SERPINB5: variants seen among roughly 807,000 people sequenced by gnomAD.
SERPINB5 encodes the protein serpin B5.
Under a neutral mutation model 32.2 loss-of-function variants are expected in SERPINB5, and 27 were observed. The ratio of observed to expected loss-of-function variants is 0.84; its 90% CI spans 0.62 to 1.16. SERPINB5 has a LOEUF of 1.16. SERPINB5 is among the 50% of genes most tolerant of loss of function. The pLI is 0.00. For synonymous variants in SERPINB5, 154 were observed against 157.4 expected (o/e 0.98, Z 0.16); for missense variants, 388 against 436.3 (o/e 0.89, Z 0.99).
chr18:63,483,327 C>A (rs1917154506), intron 1 of SERPINB5, among the ~76,000 whole-genome samples: 1 of 152,192 alleles, frequency 6.6e-6, no homozygotes, highest in Non-Finnish European at 1.5e-5. Flanking sequence ...GGAGGAGGTC[C>A]ACTGATCCTT....
intron 1 of SERPINB5, among the ~76,000 whole-genome samples, chr18:63,483,678 A>G (rs1917158571): frequency 6.6e-6 from 1 of 152,160 alleles, no homozygotes; most frequent in African/African-American, 2.4e-5. Context: ...GCATCCCTCC[A>G]ATCTCTGCCT....
intron 6 of SERPINB5, among the ~76,000 whole-genome samples, chr18:63,500,897 T>A (rs1255852155): frequency 1.3e-5 from 2 of 149,956 alleles, no homozygotes; most frequent in Non-Finnish European, 2.9e-5. Context: ...TGCATTACTC[T>A]CTCTGTTTTT....
chr18:63,491,738 GT>G (rs1909343094), intron 4 of SERPINB5, among the ~76,000 whole-genome samples: 1 of 152,074 alleles, frequency 6.6e-6, no homozygotes, highest in Non-Finnish European at 1.5e-5. Flanking sequence ...GCCTCCCAAA[GT>G]GCTGGGATTA....
At chr18:63,503,028 A>G (rs901055133) in intron 6 of SERPINB5, among the ~76,000 whole-genome samples, 2 of 152,112 alleles carry the variant, frequency 1.3e-5, no homozygotes, top group Admixed American at 1.3e-4. Context: ...TCTAAAAAAA[A>G]CCCAAACAAA....
intron 5 of SERPINB5, among the ~76,000 whole-genome samples, chr18:63,495,657 C>T (rs530442697): frequency 1.2e-4 from 19 of 152,240 alleles, no homozygotes; most frequent in Non-Finnish European, 2.1e-4. Flanking sequence ...AAAGTATTAA[C>T]GTGTGTTTTT....
rs143107196 is a variant in SERPINB5 at position 63,484,059 on chromosome 18, C to A, written c.-7-363C>A. 3.9e-3 allele frequency among the ~76,000 whole-genome samples: 594 copies of A among 152,274 alleles called. 3 individuals are homozygous for A. The highest frequency in any genetic ancestry group is 0.014 in the African/African-American group (566 of 41,546). ...TTAACTTTGTAGTTTAACTGAAATC[C>A]TAATGGAAACAATATGTGATAAATA... On this transcript the variant is annotated intron_variant, in intron 1 of 6. Transcript: ENST00000382771.
intron 1 of SERPINB5, among the ~76,000 whole-genome samples, chr18:63,481,534 G>A (rs1008121896): frequency 3.3e-5 from 5 of 152,180 alleles, no homozygotes; most frequent in Non-Finnish European, 2.9e-5. Flanking sequence ...GCTCTCCACT[G>A]GTGGAAGTGT....
chr18:63,482,293 G>A (rs536049932), intron 1 of SERPINB5, among the ~76,000 whole-genome samples: 6 of 152,274 alleles, frequency 3.9e-5, no homozygotes, highest in Admixed American at 3.9e-4. Flanking sequence ...TTTGACTCTT[G>A]ACACACGTTT....
intron 5 of SERPINB5, among the ~76,000 whole-genome samples, chr18:63,494,601 CTT>C (rs1909410798): frequency 6.6e-6 from 1 of 152,138 alleles, no homozygotes; most frequent in Admixed American, 6.6e-5. Flanking sequence ...GCATCAATAT[CTT>C]GTTTTTGCCA....
chr18:63,486,781 T>A, intron 2 of SERPINB5, 165 bp from the exon 3 acceptor site: 1 of 636,086 alleles, frequency 1.6e-6, no homozygotes, highest in Non-Finnish European at 2.7e-6. Flanking sequence ...CAAAGACTCA[T>A]CCAGCCTGAA....
Position 63,504,050 on chromosome 18 carries a change from T to C in SERPINB5, c.*328T>C, listed in dbSNP as rs1474106080. On this transcript the variant is annotated 3_prime_UTR_variant, in exon 7 of 7. Coordinates refer to ENST00000382771, the MANE Select transcript of SERPINB5 (RefSeq NM_002639.5). ...CAGTCTTCCACAAAGAAAATTCCTATAAGGAAGATTTGGAAGCTCTTCTTC... is the reference window on the plus strand; with the variant it reads ...CAGTCTTCCACAAAGAAAATTCCTACAAGGAAGATTTGGAAGCTCTTCTTC... The C allele has an allele frequency of 7.3e-6, 2 of 274,250 alleles. No individual in the cohort carries two copies. The highest frequency in any genetic ancestry group is 2.2e-4 in the East Asian group (2 of 8,954). 17.0% of individuals were successfully genotyped at this position (274,250 alleles called of 1,614,324 possible).
intron 1 of SERPINB5, among the ~76,000 whole-genome samples, chr18:63,479,750 T>C (rs1160614255): frequency 6.6e-6 from 1 of 152,110 alleles, no homozygotes; most frequent in African/African-American, 2.4e-5. Context: ...ACAAATTAGG[T>C]ACTCAGTTAA....
chr18:63,491,175 C>G (rs8098485), intron 4 of SERPINB5, among the ~76,000 whole-genome samples: 75,440 of 151,798 alleles, frequency 0.5, 20,416 homozygotes, highest in Non-Finnish European at 0.62. Flanking sequence ...GCCAAGGCAG[C>G]TGGATCACCT....
At chr18:63,487,386 A>T (rs574100989) in intron 3 of SERPINB5, among the ~76,000 whole-genome samples, 1 of 152,124 alleles carries the variant, frequency 6.6e-6, no homozygotes, top group Non-Finnish European at 1.5e-5. Flanking sequence ...CTCTCTAATA[A>T]ATGTAGCTCC....
intron 1 of SERPINB5, among the ~76,000 whole-genome samples, chr18:63,477,983 C>T (rs1599385522): frequency 6.6e-6 from 1 of 152,220 alleles, no homozygotes; most frequent in East Asian, 1.9e-4. Flanking sequence ...GTTTCCACAA[C>T]ACCGTGGGTT....
intron 1 of SERPINB5, among the ~76,000 whole-genome samples, chr18:63,483,488 A>C (rs1202223669): frequency 6.6e-6 from 1 of 152,236 alleles, no homozygotes; most frequent in African/African-American, 2.4e-5. Context: ...AAAGCACCAC[A>C]AACCAGGCAG....
At position 63,484,446 on chromosome 18, in the gene SERPINB5, A is replaced by G; in HGVS notation, c.18A>G (p.Leu6=). The G allele has an allele frequency of 6.2e-7, 1 of 1,613,006 alleles. No homozygotes were observed. The highest frequency in any genetic ancestry group is 2.2e-5 in the East Asian group (1 of 44,826). The change falls in exon 2 of 7, where the codon CTA becomes CTG. Residue 6 remains leucine (L), a synonymous_variant. Transcript: ENST00000382771. Reference sequence around the variant, plus strand: ...GGCCCGCAATGGATGCCCTGCAACTAGCAAATTCGGCTTTTGCCGTTGATC... The same window carrying G: ...GGCCCGCAATGGATGCCCTGCAACTGGCAAATTCGGCTTTTGCCGTTGATC... MDALQ[L]ANSAFAVDLF... is the part of the protein sequence containing the mutation.
In SERPINB5 at chr18:63,497,037, T is replaced by G. The variant is rs1599392941; in HGVS notation, c.568-2083T>G. On this transcript the variant is annotated intron_variant, in intron 5 of 6. Coordinates refer to ENST00000382771, the MANE Select transcript of SERPINB5 (RefSeq NM_002639.5). Reference sequence around the variant, plus strand: ...TATTTCTCCAGCTCTGATCCGCTGTTGTACTAGGGGTCTAATCCGGCCTGT... The same window carrying G: ...TATTTCTCCAGCTCTGATCCGCTGTGGTACTAGGGGTCTAATCCGGCCTGT... 10 of 559,010 alleles carry G rather than the reference T, an allele frequency of 1.8e-5. No individual in the cohort carries two copies. In the East Asian group the frequency reaches 4.7e-4, roughly 26 times the overall value. 34.6% of individuals were successfully genotyped at this position (559,010 alleles called of 1,614,324 possible).
chr18:63,489,287 A>G (rs1917261745), intron 3 of SERPINB5, 60 bp from the exon 4 acceptor site: 3 of 931,466 alleles, frequency 3.2e-6, no homozygotes, highest in Non-Finnish European at 5.1e-6. Context: ...TTGTTAGAAG[A>G]GAATAACAAT....
Sources: allele counts gnomAD v4.1 joint callset (sites outside exome capture counted in the v4.1 genomes callset), GRCh38; gene constraint gnomAD v4.1.1; transcripts MANE v1.5; gene names NCBI Gene and HGNC (gene_info 2026-07-23, HGNC 2026-07-21).